GPC6: variants seen among roughly 807,000 people sequenced by gnomAD.
GPC6 encodes the protein glypican-6.
Under a neutral mutation model 55.2 loss-of-function variants are expected in GPC6, and 14 were observed. The ratio of observed to expected loss-of-function variants is 0.25; its 90% confidence interval spans 0.17 to 0.40. GPC6 has a LOEUF of 0.40. Among genes scored for constraint, GPC6 ranks in the 10% least tolerant of loss-of-function variants. GPC6 has a pLI of 1.00. For synonymous variants in GPC6, 278 were observed against 259.6 expected (o/e 1.07, Z -0.68); for missense variants, 641 against 708.5 (o/e 0.90, Z 1.08).
intron 4 of GPC6, among the ~76,000 whole-genome samples, chr13:94,080,387 AAC>A (rs1885059228): frequency 6.6e-6 from 1 of 152,104 alleles, no homozygotes; most frequent in African/African-American, 2.4e-5. Flanking sequence ...TAGAATACAT[AAC>A]ACAGAGAGAT....
At chr13:93,310,886 T>C (rs1048833220) in intron 1 of GPC6, among the ~76,000 whole-genome samples, 2 of 152,224 alleles carry the variant, frequency 1.3e-5, no homozygotes, top group Non-Finnish European at 2.9e-5. Context: ...ATTTACCTTC[T>C]AACTACTACT....
chr13:93,320,318 T>C (rs907341274), intron 1 of GPC6, among the ~76,000 whole-genome samples: 5 of 152,098 alleles, frequency 3.3e-5, no homozygotes, highest in Non-Finnish European at 7.4e-5. Flanking sequence ...TTACCAAGTA[T>C]ATTCTTTTAA....
chr13:93,589,175 C>T (rs938226830), intron 2 of GPC6, among the ~76,000 whole-genome samples: 1 of 141,000 alleles, frequency 7.1e-6, no homozygotes, highest in Non-Finnish European at 1.5e-5. Context: ...TAATAGTTAA[C>T]ATTTTATTAC....
At chr13:93,455,205 G>A (rs56220718) in intron 1 of GPC6, among the ~76,000 whole-genome samples, 32,643 of 152,008 alleles carry the variant, frequency 0.21, 3,598 homozygotes, top group Middle Eastern at 0.29. Flanking sequence ...AGCCGGCTCC[G>A]GCCTTGGCCA....
intron 1 of GPC6, among the ~76,000 whole-genome samples, chr13:93,468,561 C>A (rs970913330): frequency 6.6e-6 from 1 of 151,736 alleles, no homozygotes; most frequent in African/African-American, 2.4e-5. Context: ...TTCCAGAGTA[C>A]TGTGCATTTA....
At chr13:93,760,392 C>T (rs972747650) in intron 2 of GPC6, among the ~76,000 whole-genome samples, 2 of 152,162 alleles carry the variant, frequency 1.3e-5, no homozygotes, top group South Asian at 4.1e-4. Context: ...GGACGTTCCT[C>T]TCACACCTGG....
chr13:93,740,452 G>A (rs1884162038), intron 2 of GPC6, among the ~76,000 whole-genome samples: 1 of 152,144 alleles, frequency 6.6e-6, no homozygotes, highest in Non-Finnish European at 1.5e-5. Flanking sequence ...AAAAGTCAAG[G>A]TCAAGAAGCA....
At chr13:94,311,630 A>G (rs1212757637) in intron 6 of GPC6, among the ~76,000 whole-genome samples, 1 of 152,358 alleles carries the variant, frequency 6.6e-6, no homozygotes, top group Non-Finnish European at 1.5e-5. Flanking sequence ...CACAATGTCT[A>G]AAATCCCTTC....
intron 4 of GPC6, among the ~76,000 whole-genome samples, chr13:94,206,077 C>G (rs961666553): frequency 2.1e-4 from 32 of 152,078 alleles, no homozygotes; most frequent in Admixed American, 1.0e-3. Flanking sequence ...GTTGAGAAAC[C>G]CTGACCTAGA....
intron 1 of GPC6, among the ~76,000 whole-genome samples, chr13:93,458,643 G>T (rs963490613): frequency 6.6e-6 from 1 of 152,062 alleles, no homozygotes; most frequent in Admixed American, 6.6e-5. Flanking sequence ...TTAAAGTCTA[G>T]GTAATGGGAA....
At chr13:94,299,779 G>A (rs1875543052) in intron 5 of GPC6, among the ~76,000 whole-genome samples, 1 of 152,196 alleles carries the variant, frequency 6.6e-6, no homozygotes, top group Admixed American at 6.5e-5. Flanking sequence ...AGAATGCACT[G>A]ATAACACCTA....
chr13:94,359,629 A>C (rs1395062054), intron 6 of GPC6, among the ~76,000 whole-genome samples: 1 of 152,060 alleles, frequency 6.6e-6, no homozygotes, highest in Admixed American at 6.6e-5. Flanking sequence ...AATCATTCTA[A>C]TTATTTACAT....
At chr13:93,760,014 T>G (rs1360659655) in intron 2 of GPC6, among the ~76,000 whole-genome samples, 3 of 53,370 alleles carry the variant, frequency 5.6e-5, no homozygotes, top group East Asian at 8.6e-4. Flanking sequence ...AGGAAAAAAA[T>G]GCTGAGAAAA....
At chr13:93,326,651 G>A (rs536810482) in intron 1 of GPC6, among the ~76,000 whole-genome samples, 2 of 152,098 alleles carry the variant, frequency 1.3e-5, no homozygotes, top group Non-Finnish European at 2.9e-5. Flanking sequence ...AACATGTACA[G>A]AACATATTTT....
chr13:93,560,894 C>G (rs1262819724), intron 2 of GPC6, among the ~76,000 whole-genome samples: 3 of 152,002 alleles, frequency 2.0e-5, no homozygotes, highest in Non-Finnish European at 2.9e-5. Context: ...GCATGTCAAA[C>G]CTTAAATTTG....
chr13:93,468,626 A>G (rs1033850016), intron 1 of GPC6, among the ~76,000 whole-genome samples: 8 of 152,170 alleles, frequency 5.3e-5, no homozygotes, highest in African/African-American at 9.7e-5. Context: ...AAACAAAGCC[A>G]CAAGTGTGAT....
chr13:94,338,189 T>G (rs1178766303), intron 6 of GPC6, among the ~76,000 whole-genome samples: 4 of 152,340 alleles, frequency 2.6e-5, no homozygotes, highest in Non-Finnish European at 4.4e-5. Flanking sequence ...TCACAGCCTC[T>G]TCCAGGGATT....
At chr13:94,258,604 T>C (rs1234168537) in intron 4 of GPC6, among the ~76,000 whole-genome samples, 1 of 152,220 alleles carries the variant, frequency 6.6e-6, no homozygotes, top group East Asian at 1.9e-4. Flanking sequence ...TTTCTAACTT[T>C]GTTAGGATAG....
chr13:94,033,661 T>A (rs7983571), intron 4 of GPC6, among the ~76,000 whole-genome samples: 120,455 of 152,096 alleles, frequency 0.79, 48,543 homozygotes, highest in Middle Eastern at 0.9. Context: ...CATAATATAA[T>A]TCTGACAAGA....
Sources: allele counts gnomAD v4.1 joint callset (sites outside exome capture counted in the v4.1 genomes callset), GRCh38; gene constraint gnomAD v4.1.1; transcripts MANE v1.5; gene names NCBI Gene and HGNC (gene_info 2026-07-23, HGNC 2026-07-21).